The following MAGI2 variants were observed in gnomAD, a reference collection of about 807,000 sequenced individuals.
MAGI2 encodes membrane-associated guanylate kinase, WW and PDZ domain-containing protein 2.
MAGI2 carries 35 observed loss-of-function variants against 133.3 expected under a neutral mutation model. The observed-to-expected ratio is 0.26, with a 90% CI of 0.20 to 0.35. MAGI2 has a LOEUF of 0.35. Among genes scored for constraint, MAGI2 ranks in the 10% least tolerant of loss-of-function variants. The pLI is 1.00. For missense variants in MAGI2, 1,636 were observed against 1,863.4 expected, an observed-to-expected ratio of 0.88 and a Z score of 2.25; for synonymous variants, 729 against 710.6, an observed-to-expected ratio of 1.03 and a Z score of -0.41.
chr7:78,056,003 G>A (rs1001118250), intron 21 of MAGI2, among the ~76,000 whole-genome samples: 3 of 152,124 alleles, frequency 2.0e-5, no homozygotes, highest in African/African-American at 7.2e-5. Context: ...GTGCAGTACA[G>A]TAGTGTTATG....
At chr7:78,355,230 A>G (rs1238889751) in intron 7 of MAGI2, among the ~76,000 whole-genome samples, 1 of 152,192 alleles carries the variant, frequency 6.6e-6, no homozygotes, top group African/African-American at 2.4e-5. Context: ...CAGTGGGCTG[A>G]GTTTGTGTTT....
chr7:78,078,262 A>T (rs994748590), intron 21 of MAGI2: 2 of 152,266 alleles, frequency 1.3e-5, no homozygotes, highest in African/African-American at 4.8e-5. Flanking sequence ...TGTAATGACC[A>T]CTCAGCTGTT....
intron 1 of MAGI2, among the ~76,000 whole-genome samples, chr7:79,119,359 G>A (rs1400067560): frequency 6.6e-6 from 1 of 152,090 alleles, no homozygotes; most frequent in African/African-American, 2.4e-5. Context: ...TACGTGCAGA[G>A]CAGAAATAAC....
At chr7:79,346,391 A>T (rs1392690342) in intron 1 of MAGI2, among the ~76,000 whole-genome samples, 3 of 152,002 alleles carry the variant, frequency 2.0e-5, no homozygotes, top group East Asian at 1.9e-4. Flanking sequence ...GTACTTTACC[A>T]TGAGTTTTTC....
intron 1 of MAGI2, among the ~76,000 whole-genome samples, chr7:79,076,390 T>G (rs773805613): frequency 6.6e-6 from 1 of 152,232 alleles, no homozygotes; most frequent in Non-Finnish European, 1.5e-5. Flanking sequence ...TCAAATGATG[T>G]TAGCAAAACT....
intron 7 of MAGI2, among the ~76,000 whole-genome samples, chr7:78,346,428 A>T (rs1427007566): frequency 4.6e-5 from 7 of 152,222 alleles, no homozygotes; most frequent in African/African-American, 1.7e-4. Context: ...TGAGCTTTGC[A>T]AAGTCCCCAT....
At chr7:78,554,121 GA>G (rs1799588644) in intron 3 of MAGI2, among the ~76,000 whole-genome samples, 1 of 152,222 alleles carries the variant, frequency 6.6e-6, no homozygotes, top group South Asian at 2.1e-4. Context: ...TCCAGGAAGT[GA>G]AGGTAGATTG....
In MAGI2 at chr7:78,573,365, A is replaced by AATATATATATATATATATATATATAT. The variant is rs58739225; in HGVS notation, c.539-51746_539-51721dup. ...ATATATAGAGAGAGAGAATCCTGGA[A>AATATATATATATATATATATATATAT]ATATATATATATATATATATATATA... On this transcript the variant is annotated intron_variant, in intron 3 of 21. Transcript: ENST00000354212. 1.4e-4 allele frequency among the ~76,000 whole-genome samples: 4 copies of AATATATATATATATATATATATATAT among 29,048 alleles called. 1 individual carries two copies. The highest frequency in any genetic ancestry group is 5.5e-4 in the African/African-American group (3 of 5,410). 19.1% of individuals were successfully genotyped at this position (29,048 alleles called of 152,430 possible). A position where few individuals can be genotyped will look rare whatever the true frequency, so the allele number is the denominator to read the frequency against.
At chr7:78,342,063 T>G (rs1411840948) in intron 9 of MAGI2, among the ~76,000 whole-genome samples, 1 of 152,120 alleles carries the variant, frequency 6.6e-6, no homozygotes, top group Non-Finnish European at 1.5e-5. Flanking sequence ...TCTACCCATC[T>G]GACAAAGGGC....
intron 1 of MAGI2, among the ~76,000 whole-genome samples, chr7:79,351,324 G>A (rs144141244): frequency 7.9e-5 from 12 of 152,238 alleles, no homozygotes; most frequent in African/African-American, 2.6e-4. Context: ...TGCACTTGAA[G>A]TTAAAATTCT....
chr7:78,397,691 T>A (rs1796484585), intron 6 of MAGI2, among the ~76,000 whole-genome samples: 2 of 152,156 alleles, frequency 1.3e-5, no homozygotes, highest in African/African-American at 4.8e-5. Context: ...ATTTACAGAC[T>A]TCTAAGATTG....
chr7:78,425,918 A>C (rs1014108103), intron 6 of MAGI2, among the ~76,000 whole-genome samples: 2 of 152,222 alleles, frequency 1.3e-5, no homozygotes, highest in African/African-American at 4.8e-5. Context: ...TCTTTAAAGA[A>C]AAATAATACA....
intron 3 of MAGI2, among the ~76,000 whole-genome samples, chr7:78,563,501 G>T (rs148622102): frequency 6.6e-6 from 1 of 152,120 alleles, no homozygotes; most frequent in African/African-American, 2.4e-5. Context: ...TGTGAAAAAC[G>T]ACAGACGAGA....
chr7:79,064,587 C>A (rs181846741), intron 1 of MAGI2, among the ~76,000 whole-genome samples: 2 of 152,144 alleles, frequency 1.3e-5, no homozygotes, highest in Non-Finnish European at 2.9e-5. Context: ...ACACATAGAA[C>A]CCTACAAGTC....
chr7:79,176,033 A>G (rs557479500), intron 1 of MAGI2, among the ~76,000 whole-genome samples: 1 of 152,206 alleles, frequency 6.6e-6, no homozygotes, highest in South Asian at 2.1e-4. Flanking sequence ...AGACCTGCTA[A>G]TATAATAGTT....
intron 2 of MAGI2, among the ~76,000 whole-genome samples, chr7:78,770,296 A>AT (rs1396877119): frequency 1.3e-5 from 2 of 152,186 alleles, no homozygotes; most frequent in Non-Finnish European, 2.9e-5. Flanking sequence ...CATAAAATTA[A>AT]TTTTTTAAGC....
At chr7:78,313,117 TGACTTATAA>T (rs2151100042) in intron 9 of MAGI2, among the ~76,000 whole-genome samples, 1 of 152,164 alleles carries the variant, frequency 6.6e-6, no homozygotes, top group South Asian at 2.1e-4. Context: ...CTACATGTTC[TGACTTATAA>T]GTGGGAGCTA....
chr7:79,008,869 T>G (rs1467790733), intron 1 of MAGI2: 1 of 152,164 alleles, frequency 6.6e-6, no homozygotes, highest in Non-Finnish European at 1.5e-5. Flanking sequence ...TTTCTTCTTC[T>G]TCTTTTTTTC....
intron 1 of MAGI2, among the ~76,000 whole-genome samples, chr7:79,205,649 A>G (rs1828981955): frequency 6.6e-6 from 1 of 151,936 alleles, no homozygotes; most frequent in South Asian, 2.1e-4. Context: ...AAACTATTAA[A>G]AAAAAGACTA....
Sources: allele counts gnomAD v4.1 joint callset (sites outside exome capture counted in the v4.1 genomes callset), GRCh38; gene constraint gnomAD v4.1.1; transcripts MANE v1.5; gene names NCBI Gene and HGNC (gene_info 2026-07-23, HGNC 2026-07-21).